CD6: variants seen among roughly 807,000 people sequenced by gnomAD.
The protein encoded by CD6 is T-cell differentiation antigen CD6.
CD6 carries 53 observed loss-of-function variants against 75.3 expected under a neutral mutation model. The ratio of observed to expected loss-of-function variants is 0.70; its 90% CI spans 0.56 to 0.88. The LOEUF (loss-of-function observed/expected upper bound fraction) is 0.88, where lower values mean the gene tolerates loss of function less well. Ranked by LOEUF, CD6 falls within the 40% of genes least tolerant of loss-of-function variation. The probability of loss-of-function intolerance (pLI) is 0.00; values close to 1 mark genes in which losing one functional copy is unlikely to be tolerated. For synonymous variants in CD6, 359 were observed against 381.5 expected, an observed-to-expected ratio of 0.94 and a Z score of 0.69; for missense variants, 770 against 897.1, an observed-to-expected ratio of 0.86 and a Z score of 1.81.
At chr11:60,986,294 C>T (rs933464429) in intron 1 of CD6, among the ~76,000 whole-genome samples, 3 of 152,184 alleles carry the variant, frequency 2.0e-5, no homozygotes, top group Admixed American at 6.5e-5. Flanking sequence ...GTCTGTGGAG[C>T]GTCATGGGCC....
chr11:61,009,934 C>T (rs1859067864), intron 5 of CD6, 60 bp downstream of exon 5: 1 of 1,493,124 alleles, frequency 6.7e-7, no homozygotes, highest in Non-Finnish European at 8.9e-7. Flanking sequence ...AATCCATGTC[C>T]TAAAAACTTA....
At chr11:61,004,490 G>A (rs994741375) in intron 1 of CD6, 2 of 152,242 alleles carry the variant, frequency 1.3e-5, no homozygotes, top group Admixed American at 6.5e-5. Flanking sequence ...GGGAGTTAGC[G>A]AGGACGGCAA....
At chr11:60,995,531 C>T (rs890595606) in intron 1 of CD6, among the ~76,000 whole-genome samples, 1 of 152,168 alleles carries the variant, frequency 6.6e-6, no homozygotes, top group Non-Finnish European at 1.5e-5. Flanking sequence ...ATACCAAGGG[C>T]ATTTCTAAAA....
intron 1 of CD6, among the ~76,000 whole-genome samples, chr11:60,997,747 A>C (rs1208753776): frequency 6.6e-6 from 1 of 152,236 alleles, no homozygotes; most frequent in Non-Finnish European, 1.5e-5. Flanking sequence ...AGGTTTTCCA[A>C]TGATTGAATT....
rs1436339076 is a variant in CD6 at position 60,991,644 on chromosome 11, T to C, written c.50-14930T>C. The stretch of plus-strand genomic sequence containing the variant: ...GGCCAGGTATTGGGGGTTTTTATGG[T>C]AATCTTTCCTTAGCCCTGTGAGGTT... On this transcript the variant is annotated intron_variant, in intron 1 of 12. Coordinates refer to ENST00000313421, the MANE Select transcript of CD6 (RefSeq NM_006725.5). 3.3e-5 allele frequency among the ~76,000 whole-genome samples: 5 copies of C among 151,300 alleles called. No individual in the cohort carries two copies. In the South Asian group the frequency reaches 1.0e-3, roughly 31 times the overall value.
intron 8 of CD6, among the ~76,000 whole-genome samples, chr11:61,015,258 A>T (rs1303672021): frequency 6.6e-6 from 1 of 152,192 alleles, no homozygotes; most frequent in Non-Finnish European, 1.5e-5. Flanking sequence ...GAAACTTCAG[A>T]CTGGGTGGCT....
rs533369655 is a variant in CD6 at position 60,973,063 on chromosome 11, G to A, written c.49+1149G>A. On this transcript the variant is annotated intron_variant, in intron 1 of 12. Coordinates refer to ENST00000313421, the MANE Select transcript of CD6 (RefSeq NM_006725.5). Reference sequence around the variant, plus strand: ...GCCCCTGAGCTGAAACAGACTGTCCGAGAGTGGCCCCCTTTCCTCTTCCCC... The same window carrying A: ...GCCCCTGAGCTGAAACAGACTGTCCAAGAGTGGCCCCCTTTCCTCTTCCCC... Among the ~76,000 whole-genome samples, 22 of 152,312 alleles carry A rather than the reference G, an allele frequency of 1.4e-4. No individual in the cohort carries two copies. The South Asian group carries it at 2.9e-3, about 20-fold the overall frequency.
chr11:60,975,089 G>T (rs1382067280), intron 1 of CD6, among the ~76,000 whole-genome samples: 1 of 147,744 alleles, frequency 6.8e-6, no homozygotes, highest in East Asian at 2.0e-4. Flanking sequence ...TTAATAATTT[G>T]TTTTTTCTTA....
At chr11:60,999,540 C>T (rs1474477247) in intron 1 of CD6, among the ~76,000 whole-genome samples, 2 of 151,790 alleles carry the variant, frequency 1.3e-5, no homozygotes, top group African/African-American at 4.8e-5. Context: ...ATACTTATAA[C>T]ATAACCCTGT....
At chr11:61,006,842 A>G (rs1382427696) in intron 2 of CD6, among the ~76,000 whole-genome samples, 200 bp downstream of exon 2, 2 of 152,196 alleles carry the variant, frequency 1.3e-5, no homozygotes, top group Non-Finnish European at 2.9e-5. Context: ...GAGGACACTG[A>G]TAAGTCACAT....
At chr11:60,983,093 T>C (rs1041224043) in intron 1 of CD6, among the ~76,000 whole-genome samples, 3 of 151,628 alleles carry the variant, frequency 2.0e-5, no homozygotes, top group Non-Finnish European at 4.4e-5. Context: ...TTTGTTTTTT[T>C]ACTTCACTTT....
In CD6 at chr11:61,008,652, C is replaced by T. The variant is rs747177213; in HGVS notation, c.588C>T (p.His196=). The change falls in exon 4 of 13, where the codon CAC becomes CAT. Residue 196 remains histidine (H), a synonymous_variant. Transcript: ENST00000313421. The part of the protein sequence containing the change: ...CDDTWDLEDA[H]VVCRQLGCGW... The stretch of plus-strand genomic sequence containing the variant: ...ACACTTGGGACCTGGAGGACGCCCA[C>T]GTGGTGTGCAGGCAACTGGGCTGCG... The T allele has an allele frequency of 6.2e-7, 1 of 1,608,458 alleles. No individual in the cohort carries two copies. Among genetic ancestry groups the T allele is most frequent in the Non-Finnish European group, 8.5e-7 (1 of 1,177,890 alleles).
rs766606373 is a variant in CD6, at chr11:61,014,025, C to T, written c.1387+11C>T. The T allele has an allele frequency of 5.6e-6, 9 of 1,598,828 alleles. No homozygotes were observed. The highest frequency in any genetic ancestry group is 1.7e-4 in the Middle Eastern group (1 of 6,052). On this transcript the variant is annotated intron_variant, in intron 8 of 12. Coordinates refer to ENST00000313421, the MANE Select transcript of CD6 (RefSeq NM_006725.5). Reference sequence around the variant, plus strand: ...CCATCCCCAAAGAAGGTAGGATGTCCCCCATCCTGGGTGTGGGAGGGCTGG... The same window carrying T: ...CCATCCCCAAAGAAGGTAGGATGTCTCCCATCCTGGGTGTGGGAGGGCTGG...
intron 1 of CD6, among the ~76,000 whole-genome samples, chr11:60,990,944 G>A (rs1424252815): frequency 6.6e-6 from 1 of 151,880 alleles, no homozygotes; most frequent in African/African-American, 2.4e-5. Context: ...TCCAGCTGAT[G>A]GATGGTTAGA....
intron 1 of CD6, among the ~76,000 whole-genome samples, chr11:61,000,917 G>A (rs1351287668): frequency 1.3e-5 from 2 of 152,080 alleles, no homozygotes; most frequent in Non-Finnish European, 2.9e-5. Flanking sequence ...TGAAAAAGCC[G>A]CCTCCTTCCT....
Position 61,009,689 on chromosome 11 carries a change from A to G in CD6, c.899A>G (p.Lys300Arg), listed in dbSNP as rs1005654346. The G allele has an allele frequency of 6.2e-7, 1 of 1,614,106 alleles. No individual in the cohort carries two copies. Among genetic ancestry groups the G allele is most frequent in the African/African-American group, 1.3e-5 (1 of 75,054 alleles). The part of the protein sequence containing the change: ...CDSEWYPSEA[K>R]VLCQSLGCGT... ...AGTGAGTGGTACCCATCGGAGGCCAAGGTGCTCTGCCAGTCCTTGGGCTGT... is the reference window on the plus strand; with the variant it reads ...AGTGAGTGGTACCCATCGGAGGCCAGGGTGCTCTGCCAGTCCTTGGGCTGT... Residue 300 changes from lysine (K) to arginine (R), a missense_variant, in exon 5 of 13, where the codon AAG becomes AGG. Lys to Arg is a conservative substitution (Grantham distance 26). Coordinates refer to ENST00000313421, the MANE Select transcript of CD6 (RefSeq NM_006725.5).
At chr11:61,009,478 G>T in intron 4 of CD6, 94 bp from the exon 5 acceptor site, 1 of 1,125,200 alleles carries the variant, frequency 8.9e-7, no homozygotes, top group Non-Finnish European at 1.2e-6. Flanking sequence ...AGACCAAATG[G>T]CTGCATTGGT....
chr11:61,011,247 C>T (rs913524276), intron 6 of CD6, 112 bp downstream of exon 6: 2 of 845,042 alleles, frequency 2.4e-6, no homozygotes, highest in African/African-American at 1.7e-5. Context: ...GTTTGGTCCT[C>T]ATCCTCCACC....
intron 1 of CD6, among the ~76,000 whole-genome samples, chr11:60,983,082 C>G (rs1298777375): frequency 4.6e-5 from 7 of 151,736 alleles, no homozygotes; most frequent in African/African-American, 1.7e-4. Flanking sequence ...TCTGCCTCCT[C>G]TTTGTTTTTT....
Sources: gnomAD v4.1 joint callset for allele counts (sites outside exome capture counted in the v4.1 genomes callset) on GRCh38, gnomAD v4.1.1 for gene constraint, MANE v1.5 for transcripts, NCBI Gene and HGNC (gene_info 2026-07-23, HGNC 2026-07-21) for gene names.